Variants in ERBB4 observed in about 807,000 individuals in gnomAD.
ERBB4 encodes the protein erb-b2 receptor tyrosine kinase 4, also known as receptor tyrosine-protein kinase erbB-4.
ERBB4 carries 42 observed loss-of-function variants against 158.0 expected under a neutral mutation model. That is an observed-to-expected ratio of 0.27 (90% CI 0.21 to 0.34). The LOEUF is 0.34. ERBB4 is among the 10% of genes least tolerant of loss of function. ERBB4 has a pLI of 1.00. For missense variants in ERBB4, 1,333 were observed against 1,624.1 expected, an observed-to-expected ratio of 0.82 and a Z score of 3.08; for synonymous variants, 583 against 558.7, an observed-to-expected ratio of 1.04 and a Z score of -0.61.
intron 1 of ERBB4, among the ~76,000 whole-genome samples, chr2:212,231,405 G>A (rs1245136703): frequency 6.6e-6 from 1 of 152,134 alleles, no homozygotes; most frequent in Non-Finnish European, 1.5e-5. Context: ...TTAAAAAGAA[G>A]AAAATATTTT....
At chr2:212,503,489 T>C (rs1051027971) in intron 1 of ERBB4, among the ~76,000 whole-genome samples, 2 of 152,124 alleles carry the variant, frequency 1.3e-5, no homozygotes, top group Non-Finnish European at 2.9e-5. Context: ...CAACTGCAAA[T>C]AGCATCTCAA....
rs770379220 is a variant in ERBB4, at chr2:211,562,104, G to A, written c.2302-16C>T. On this transcript the variant is annotated splice_polypyrimidine_tract_variant and intron_variant, in intron 19 of 27. Transcript: ENST00000342788. ...TCAGAGCTTCCTGTAAGAAAAAAAT[G>A]CAATACCATGATTTCAACTCAAATT... 2 of 1,607,682 alleles carry A rather than the reference G, an allele frequency of 1.2e-6. No homozygotes were observed. Among genetic ancestry groups the A allele is most frequent in the Non-Finnish European group, 1.7e-6 (2 of 1,177,942 alleles).
chr2:211,494,238 G>T (rs2065414728), intron 20 of ERBB4, among the ~76,000 whole-genome samples: 2 of 152,074 alleles, frequency 1.3e-5, no homozygotes, highest in Admixed American at 1.3e-4. Context: ...CCTGACCTCA[G>T]GTGATCCGCC....
At chr2:212,283,288 T>G (rs890271774) in intron 1 of ERBB4, among the ~76,000 whole-genome samples, 1 of 151,966 alleles carries the variant, frequency 6.6e-6, no homozygotes, top group East Asian at 1.9e-4. Flanking sequence ...CGTATGCCCA[T>G]CAGCATGGCA....
At chr2:211,450,296 A>T (rs2064213227) in intron 20 of ERBB4, among the ~76,000 whole-genome samples, 1 of 152,126 alleles carries the variant, frequency 6.6e-6, no homozygotes. Context: ...CAGGCTCAGG[A>T]TGTTGACTTT....
intron 2 of ERBB4, among the ~76,000 whole-genome samples, chr2:212,071,804 G>C (rs1410391777): frequency 1.3e-5 from 2 of 151,966 alleles, no homozygotes; most frequent in African/African-American, 4.8e-5. Context: ...GTGATTCATA[G>C]CTGGAAAGAT....
intron 1 of ERBB4, among the ~76,000 whole-genome samples, chr2:212,283,124 C>G (rs1257248640): frequency 6.6e-6 from 1 of 151,850 alleles, no homozygotes; most frequent in African/African-American, 2.4e-5. Flanking sequence ...GTAATGCAGA[C>G]CATGGATTTC....
At chr2:212,303,006 G>A (rs76152026) in intron 1 of ERBB4, among the ~76,000 whole-genome samples, 5,465 of 151,460 alleles carry the variant, frequency 0.036, 165 homozygotes, top group South Asian at 0.12. Context: ...AAGAGAGGAT[G>A]AGGGAAAAAT....
intron 1 of ERBB4, among the ~76,000 whole-genome samples, chr2:212,224,791 C>A (rs1338234253): frequency 3.9e-5 from 6 of 151,916 alleles, no homozygotes; most frequent in African/African-American, 1.2e-4. Context: ...AGGAAGGGAG[C>A]ACAGAATGAT....
chr2:211,463,171 G>C (rs12694233), intron 20 of ERBB4, among the ~76,000 whole-genome samples: 64,565 of 152,030 alleles, frequency 0.42, 15,676 homozygotes, highest in African/African-American at 0.68. Context: ...TTCTGTGACT[G>C]AAAAAGAAGT....
chr2:211,539,924 G>T (rs2066753490), intron 20 of ERBB4, among the ~76,000 whole-genome samples: 1 of 151,826 alleles, frequency 6.6e-6, no homozygotes, highest in African/African-American at 2.4e-5. Context: ...AGCACATTAG[G>T]TTATGTAATA....
intron 1 of ERBB4, among the ~76,000 whole-genome samples, chr2:212,405,454 T>C (rs2091318971): frequency 1.3e-5 from 2 of 152,076 alleles, no homozygotes; most frequent in South Asian, 2.1e-4. Flanking sequence ...AAGGCAGAAC[T>C]ACCATTGGAC....
intron 20 of ERBB4, among the ~76,000 whole-genome samples, chr2:211,554,245 A>G (rs2067178971): frequency 6.6e-6 from 1 of 152,178 alleles, no homozygotes; most frequent in African/African-American, 2.4e-5. Context: ...GCATTTCAAT[A>G]TATTTGTGTG....
At chr2:211,545,020 C>T (rs1351831324) in intron 20 of ERBB4, among the ~76,000 whole-genome samples, 1 of 152,074 alleles carries the variant, frequency 6.6e-6, no homozygotes, top group Non-Finnish European at 1.5e-5. Flanking sequence ...AACTCCTACA[C>T]AAAGGACCTT....
chr2:212,342,225 G>T (rs753534723), intron 1 of ERBB4, among the ~76,000 whole-genome samples: 1 of 152,150 alleles, frequency 6.6e-6, no homozygotes, highest in Admixed American at 6.5e-5. Flanking sequence ...CAACATAAAT[G>T]ATATGATTTG....
intron 5 of ERBB4, among the ~76,000 whole-genome samples, chr2:211,729,491 TG>T (rs1559465191): frequency 6.6e-6 from 1 of 151,506 alleles, no homozygotes. Context: ...TAAACAGTAA[TG>T]GGGTTAAAAA....
At chr2:211,723,555 A>T (rs2074170998) in intron 6 of ERBB4, among the ~76,000 whole-genome samples, 1 of 152,142 alleles carries the variant, frequency 6.6e-6, no homozygotes, top group Non-Finnish European at 1.5e-5. Context: ...TATCATAAAC[A>T]TGACAATTCC....
intron 1 of ERBB4, among the ~76,000 whole-genome samples, chr2:212,496,479 C>T (rs954118231): frequency 6.3e-4 from 96 of 152,206 alleles, no homozygotes; most frequent in Admixed American, 1.3e-3. Flanking sequence ...TAAAAACTTA[C>T]GGGCATTATA....
At chr2:212,285,390 ATTT>A (rs10707896) in intron 1 of ERBB4, among the ~76,000 whole-genome samples, 6 of 146,252 alleles carry the variant, frequency 4.1e-5, no homozygotes, top group Non-Finnish European at 3.0e-5. Context: ...GGGGACTGTG[ATTT>A]TTTTTTTTTT....
Sources: gnomAD v4.1 joint callset for allele counts (sites outside exome capture counted in the v4.1 genomes callset) on GRCh38, gnomAD v4.1.1 for gene constraint, MANE v1.5 for transcripts, NCBI Gene and HGNC (gene_info 2026-07-23, HGNC 2026-07-21) for gene names.